Variants in KCNAB1 observed in about 807,000 individuals in gnomAD.
KCNAB1 encodes potassium voltage-gated channel subfamily A regulatory beta subunit 1, also known as voltage-gated potassium channel subunit beta-1.
KCNAB1 carries 35 observed loss-of-function variants against 64.6 expected under a neutral mutation model. The ratio of observed to expected loss-of-function variants is 0.54; its 90% CI spans 0.41 to 0.72. The LOEUF is 0.72. Among genes scored for constraint, KCNAB1 ranks in the 30% least tolerant of loss-of-function variants. The pLI is 0.00. For synonymous variants in KCNAB1, 177 were observed against 183.8 expected (o/e 0.96, Z 0.30); for missense variants, 401 against 512.9 (o/e 0.78, Z 2.11).
At chr3:156,287,561 G>T (rs1189057483) in intron 1 of KCNAB1, among the ~76,000 whole-genome samples, 3 of 152,134 alleles carry the variant, frequency 2.0e-5, no homozygotes, top group African/African-American at 7.2e-5. Context: ...GCTGGGCATA[G>T]TGACTCACAC....
chr3:156,504,157 T>C (rs1446865534), intron 8 of KCNAB1, among the ~76,000 whole-genome samples: 1 of 152,204 alleles, frequency 6.6e-6, no homozygotes, highest in Non-Finnish European at 1.5e-5. Flanking sequence ...GAGATAAATA[T>C]GAGTATTTAT....
intron 11 of KCNAB1, among the ~76,000 whole-genome samples, chr3:156,516,711 T>G (rs4470464): frequency 0.23 from 35,299 of 152,228 alleles, 4,402 homozygotes; most frequent in East Asian, 0.34. Context: ...ATGCAAAATC[T>G]CTTTTCTATA....
At chr3:156,492,191 T>C (rs1298215768) in intron 8 of KCNAB1, among the ~76,000 whole-genome samples, 1 of 152,132 alleles carries the variant, frequency 6.6e-6, no homozygotes, top group African/African-American at 2.4e-5. Flanking sequence ...TAAAAGTGAA[T>C]TGAGCGTTTC....
intron 8 of KCNAB1, among the ~76,000 whole-genome samples, chr3:156,514,027 G>C (rs1426778414): frequency 2.6e-5 from 4 of 152,124 alleles, no homozygotes; most frequent in Non-Finnish European, 5.9e-5. Flanking sequence ...AGGTACTCAG[G>C]CTCTTAAAAA....
intron 1 of KCNAB1, among the ~76,000 whole-genome samples, chr3:156,312,439 T>A (rs1721971974): frequency 6.6e-6 from 1 of 152,192 alleles, no homozygotes; most frequent in Non-Finnish European, 1.5e-5. Flanking sequence ...CCATTGTGGC[T>A]ATGTCAAATA....
intron 1 of KCNAB1, among the ~76,000 whole-genome samples, chr3:156,245,513 T>C (rs1184894810): frequency 6.6e-6 from 1 of 150,930 alleles, no homozygotes; most frequent in Non-Finnish European, 1.5e-5. Context: ...CACGCGTATG[T>C]GTATGTGTGC....
chr3:156,214,418 A>G (rs1256708967), intron 1 of KCNAB1, among the ~76,000 whole-genome samples: 2 of 152,136 alleles, frequency 1.3e-5, no homozygotes, highest in Non-Finnish European at 2.9e-5. Context: ...AGAGAACTGG[A>G]GAACTGCCTG....
intron 1 of KCNAB1, among the ~76,000 whole-genome samples, chr3:156,220,931 A>G (rs1045301556): frequency 1.1e-4 from 17 of 152,228 alleles, no homozygotes; most frequent in Admixed American, 9.2e-4. Context: ...AGCTTTCTAC[A>G]TATGGATAGC....
At chr3:156,282,920 A>G (rs1224930651) in intron 1 of KCNAB1, among the ~76,000 whole-genome samples, 3 of 151,740 alleles carry the variant, frequency 2.0e-5, no homozygotes, top group Non-Finnish European at 4.4e-5. Context: ...TCTTTATCCA[A>G]TTTGCCAGTC....
chr3:156,534,300 T>C lies in KCNAB1; in HGVS notation c.1171-2358T>C, dbSNP rs9871524. Among the ~76,000 whole-genome samples the C allele has an allele frequency of 7.4e-3, 1,129 of 152,188 alleles. 13 individuals carry two copies. Among genetic ancestry groups the C allele is most frequent in the African/African-American group, 0.026 (1,062 of 41,508 alleles). On this transcript the variant is annotated intron_variant, in intron 13 of 13. Transcript: ENST00000490337. ...TTCAAGGGATGCCACGTGCCTAAGA[T>C]GTGCAGGAACGAAGGGGCGTATATA...
chr3:156,415,849 C>G (rs1263301818), intron 1 of KCNAB1, among the ~76,000 whole-genome samples: 1 of 152,152 alleles, frequency 6.6e-6, no homozygotes, highest in Non-Finnish European at 1.5e-5. Flanking sequence ...GAAAATCCCT[C>G]TCCCCACTCT....
At chr3:156,264,705 C>T (rs1286015164) in intron 1 of KCNAB1, among the ~76,000 whole-genome samples, 2 of 152,032 alleles carry the variant, frequency 1.3e-5, no homozygotes, top group Non-Finnish European at 2.9e-5. Context: ...TATATACACA[C>T]ATACATACAC....
chr3:156,423,022 C>A (rs1715569610), intron 2 of KCNAB1, among the ~76,000 whole-genome samples: 1 of 152,122 alleles, frequency 6.6e-6, no homozygotes. Context: ...GGTTCAGCAA[C>A]ATGGAGGTCA....
chr3:156,506,748 T>C (rs11721132), intron 8 of KCNAB1, among the ~76,000 whole-genome samples: 16,992 of 152,254 alleles, frequency 0.11, 1,022 homozygotes, highest in Middle Eastern at 0.2. Flanking sequence ...GCCAGTGCCC[T>C]GATCCAGAAA....
intron 10 of KCNAB1, among the ~76,000 whole-genome samples, 195 bp from the exon 11 acceptor site, chr3:156,516,075 C>A (rs1164446177): frequency 6.8e-6 from 1 of 147,382 alleles, no homozygotes; most frequent in East Asian, 1.9e-4. Context: ...GTTTAATTGG[C>A]TGATTAAAGA....
At chr3:156,420,612 G>C (rs1559875861) in intron 1 of KCNAB1, among the ~76,000 whole-genome samples, 3 of 152,170 alleles carry the variant, frequency 2.0e-5, no homozygotes, top group Non-Finnish European at 4.4e-5. Context: ...AAGGGAAACT[G>C]TATTTTTATG....
intron 1 of KCNAB1, among the ~76,000 whole-genome samples, chr3:156,359,213 A>G (rs1168455503): frequency 6.6e-6 from 1 of 152,114 alleles, no homozygotes. Flanking sequence ...AAAAGAAAAA[A>G]CATGATTTTT....
rs529038015 is a variant in KCNAB1 at position 156,160,456 on chromosome 3, T to C, written c.275+39570T>C. Among the ~76,000 whole-genome samples, 12 of 152,260 alleles carry C rather than the reference T, an allele frequency of 7.9e-5. No homozygotes were observed. In the South Asian group the frequency reaches 1.0e-3, roughly 13 times the overall value. ...ATCTCCTCCTCCTCCTTCTCCTCTT[T>C]CTCCTTGCTCTCACCCCACCCCTCA... On this transcript the variant is annotated intron_variant, in intron 1 of 13. Coordinates refer to ENST00000490337, the MANE Select transcript of KCNAB1 (RefSeq NM_172160.3).
chr3:156,266,478 G>A (rs75610930), intron 1 of KCNAB1, among the ~76,000 whole-genome samples: 3,784 of 152,258 alleles, frequency 0.025, 206 homozygotes, highest in East Asian at 0.13. Flanking sequence ...CTGCACAGCT[G>A]TGTGATAGAT....
Sources: gnomAD v4.1 joint callset for allele counts (sites outside exome capture counted in the v4.1 genomes callset) on GRCh38, gnomAD v4.1.1 for gene constraint, MANE v1.5 for transcripts, NCBI Gene and HGNC (gene_info 2026-07-23, HGNC 2026-07-21) for gene names.